Variants in EIF3H observed in about 807,000 individuals in gnomAD.
EIF3H encodes the protein eukaryotic translation initiation factor 3 subunit H.
Under a neutral mutation model 44.2 loss-of-function variants are expected in EIF3H, and 26 were observed. That is an observed-to-expected ratio of 0.59 (90% CI 0.43 to 0.82). EIF3H has a LOEUF of 0.82. Ranked by LOEUF, EIF3H falls within the 40% of genes least tolerant of loss-of-function variation. The pLI is 0.00. For missense variants in EIF3H, 359 were observed against 432.8 expected, an observed-to-expected ratio of 0.83 and a Z score of 1.51; for synonymous variants, 166 against 151.9, an observed-to-expected ratio of 1.09 and a Z score of -0.68.
chr8:116,726,932 C>T (rs1308467111), intron 1 of EIF3H, among the ~76,000 whole-genome samples: 1 of 152,092 alleles, frequency 6.6e-6, no homozygotes, highest in African/African-American at 2.4e-5. Flanking sequence ...TTTTATAGTG[C>T]CTGGCACATA....
At chr8:116,692,439 C>G (rs2130863866) in intron 2 of EIF3H, among the ~76,000 whole-genome samples, 1 of 152,070 alleles carries the variant, frequency 6.6e-6, no homozygotes, top group East Asian at 1.9e-4. Context: ...ATGATAAAGA[C>G]CAATTAAATC....
At chr8:116,760,709 A>G (rs1815509908), upstream of EIF3H, among the ~76,000 whole-genome samples, 1 of 152,212 alleles carries the variant, frequency 6.6e-6, no homozygotes, top group Non-Finnish European at 1.5e-5. Context: ...TAAATACTAG[A>G]CTTTGAAATA....
intron 2 of EIF3H, among the ~76,000 whole-genome samples, chr8:116,695,724 G>A (rs377123412): frequency 6.6e-6 from 1 of 152,252 alleles, no homozygotes; most frequent in African/African-American, 2.4e-5. Flanking sequence ...AAGCCCAAGT[G>A]GGATGGTATG....
chr8:116,662,115 T>C (rs1483160606), intron 2 of EIF3H, among the ~76,000 whole-genome samples: 3 of 152,154 alleles, frequency 2.0e-5, no homozygotes, highest in East Asian at 3.8e-4. Context: ...AGAGCAATGA[T>C]TGGTCAATTA....
chr8:116,726,767 C>T (rs1186528889), intron 1 of EIF3H, among the ~76,000 whole-genome samples: 1 of 152,162 alleles, frequency 6.6e-6, no homozygotes, highest in African/African-American at 2.4e-5. Context: ...ACTAAGCAAC[C>T]TCTAATGGAA....
At chr8:116,725,883 A>G in intron 2 of EIF3H, 133 bp downstream of exon 2, 1 of 1,059,754 alleles carries the variant, frequency 9.4e-7, no homozygotes, top group Admixed American at 3.1e-5. Flanking sequence ...ATTTTCCCAA[A>G]GTATCAGACA....
intron 5 of EIF3H, among the ~76,000 whole-genome samples, chr8:116,653,811 A>T (rs1813438328): frequency 6.6e-6 from 1 of 152,214 alleles, no homozygotes; most frequent in Non-Finnish European, 1.5e-5. Context: ...TAAAATAAAA[A>T]AATTTGAATT....
At chr8:116,669,804 A>G (rs1813725144) in intron 2 of EIF3H, among the ~76,000 whole-genome samples, 1 of 152,228 alleles carries the variant, frequency 6.6e-6, no homozygotes, top group Admixed American at 6.5e-5. Flanking sequence ...AGGAAGAGCA[A>G]ACAATTTCCT....
At chr8:116,746,655 C>T (rs1815243543) in intron 1 of EIF3H, among the ~76,000 whole-genome samples, 1 of 152,192 alleles carries the variant, frequency 6.6e-6, no homozygotes, top group African/African-American at 2.4e-5. Context: ...TAATACTAGT[C>T]CGCCCAGTTC....
At chr8:116,649,803 A>G (rs1413183308) in intron 5 of EIF3H, among the ~76,000 whole-genome samples, 1 of 152,164 alleles carries the variant, frequency 6.6e-6, no homozygotes, top group East Asian at 1.9e-4. Flanking sequence ...GGAGAAAGAG[A>G]AGGGGGAGGT....
chr8:116,673,628 C>T (rs917250479), intron 2 of EIF3H, among the ~76,000 whole-genome samples: 1 of 152,118 alleles, frequency 6.6e-6, no homozygotes, highest in East Asian at 1.9e-4. Flanking sequence ...GCTTTATTGG[C>T]ATTAACTGTG....
intron 2 of EIF3H, among the ~76,000 whole-genome samples, chr8:116,706,461 C>T (rs762529285): frequency 1.2e-4 from 18 of 152,140 alleles, no homozygotes; most frequent in Non-Finnish European, 2.1e-4. Context: ...CTCCATATAA[C>T]CACTCTGTTT....
In EIF3H at chr8:116,645,029, C is replaced by A; in HGVS notation, c.1036G>T (p.Ala346Ser). ...QNLGKLFMAQ[A>S]LQEYNN ...TCTTAGTTGTTGTATTCTTGAAGAG[C>A]CTGGGCCATGAAGAGCTTGCCTAAG... The change falls in exon 8 of 8, where the codon GCT becomes TCT. Residue 346 changes from alanine to serine, a missense_variant. By Grantham distance (99) the Ala-to-Ser change is moderately conservative. Around this residue, in one of 5 missense-constraint regions of EIF3H, gnomAD observed 94 missense variants for 96.0 expected, o/e 0.98. Coordinates refer to ENST00000521861, the MANE Select transcript of EIF3H (RefSeq NM_003756.3). 1 of 1,614,004 alleles carries A rather than the reference C, an allele frequency of 6.2e-7. No homozygotes were observed. Among genetic ancestry groups the A allele is most frequent in the Non-Finnish European group, 8.5e-7 (1 of 1,179,944 alleles).
chr8:116,660,078 AT>A (rs1813560520), intron 2 of EIF3H, among the ~76,000 whole-genome samples: 1 of 151,974 alleles, frequency 6.6e-6, no homozygotes, highest in South Asian at 2.1e-4. Context: ...TTTTGTAGAG[AT>A]GGGGTTTCAC....
chr8:116,721,178 C>G (rs368787382), intron 2 of EIF3H, among the ~76,000 whole-genome samples: 20 of 152,124 alleles, frequency 1.3e-4, no homozygotes, highest in African/African-American at 4.8e-4. Flanking sequence ...ACTTGGTGGC[C>G]TACCTCCTAG....
intron 6 of EIF3H, among the ~76,000 whole-genome samples, chr8:116,648,424 C>T (rs1158617268): frequency 2.0e-5 from 3 of 152,126 alleles, no homozygotes; most frequent in East Asian, 1.9e-4. Context: ...ATCACAATTG[C>T]TCCGTTTTTT....
At chr8:116,685,267 A>T (rs1219302326) in intron 2 of EIF3H, among the ~76,000 whole-genome samples, 1 of 152,200 alleles carries the variant, frequency 6.6e-6, no homozygotes, top group African/African-American at 2.4e-5. Context: ...CCTCAGGATT[A>T]TGTCTGCTAC....
intron 1 of EIF3H, among the ~76,000 whole-genome samples, chr8:116,739,731 G>A (rs1014569145): frequency 6.6e-6 from 1 of 152,180 alleles, no homozygotes; most frequent in African/African-American, 2.4e-5. Flanking sequence ...TGAGACCCCT[G>A]ATTTCCCACT....
chr8:116,662,315 A>G (rs1482186890), intron 2 of EIF3H, among the ~76,000 whole-genome samples: 1 of 152,126 alleles, frequency 6.6e-6, no homozygotes, highest in South Asian at 2.1e-4. Flanking sequence ...GAAAGGACCT[A>G]AACAAACTGC....
Sources: gnomAD v4.1 joint callset for allele counts (sites outside exome capture counted in the v4.1 genomes callset) on GRCh38, gnomAD v4.1.1 for gene constraint, gnomAD v4.1.1 regional missense constraint, MANE v1.5 for transcripts, NCBI Gene and HGNC (gene_info 2026-07-23, HGNC 2026-07-21) for gene names.